Variants in TXNRD1 observed in about 807,000 individuals in gnomAD.
TXNRD1 encodes thioredoxin reductase 1, also known as thioredoxin reductase 1, cytoplasmic.
In TXNRD1, 57 loss-of-function variants were observed where a neutral mutation model predicts 80.3. The observed-to-expected ratio is 0.71, with a 90% CI of 0.57 to 0.89. The LOEUF (loss-of-function observed/expected upper bound fraction) is 0.89, where lower values mean the gene tolerates loss of function less well. TXNRD1 is among the 40% of genes least tolerant of loss of function. TXNRD1 has a pLI of 0.00. For synonymous variants in TXNRD1, 291 were observed against 285.2 expected (o/e 1.02, Z -0.20); for missense variants, 730 against 803.0 (o/e 0.91, Z 1.10).
intron 3 of TXNRD1, among the ~76,000 whole-genome samples, chr12:104,267,846 CCTCTCT>C (rs769629671): frequency 6.1e-4 from 85 of 139,668 alleles, no homozygotes; most frequent in Admixed American, 2.8e-3. Context: ...CTCCTTCCTT[CCTCTCT>C]CTCTTTTTTT....
chr12:104,316,046 C>A, intron 7 of TXNRD1, 150 bp downstream of exon 7: 2 of 815,174 alleles, frequency 2.5e-6, no homozygotes, highest in Non-Finnish European at 3.6e-6. Context: ...CTGGAGTTAT[C>A]CTTTGTCAAG....
In TXNRD1 at chr12:104,338,201, A is replaced by C. The variant is rs192405285; in HGVS notation, c.1747-938A>C. On this transcript the variant is annotated intron_variant, in intron 15 of 16. Coordinates refer to ENST00000525566, the MANE Select transcript of TXNRD1 (RefSeq NM_001093771.3). ...GGACGTGAGGACACCCTGCCCTTTG[A>C]TAATATTTTCCAGAACATTTTGGTG... 1.9e-4 allele frequency among the ~76,000 whole-genome samples: 29 copies of C among 151,992 alleles called. 1 individual carries two copies. The highest frequency in any genetic ancestry group is 3.4e-3 in the Middle Eastern group (1 of 294).
At chr12:104,313,449 A>G in intron 6 of TXNRD1, 132 bp downstream of exon 6, 2 of 643,646 alleles carry the variant, frequency 3.1e-6, no homozygotes, top group Non-Finnish European at 5.1e-6. Context: ...CAAAACATAT[A>G]TATCTTTTAT....
intron 4 of TXNRD1, chr12:104,309,925 A>G (rs1345466388): frequency 7.2e-6 from 11 of 1,535,984 alleles, no homozygotes; most frequent in Non-Finnish European, 7.8e-6. Context: ...CTGAGCCACT[A>G]CGTATGCCCG....
At chr12:104,267,647 A>G (rs12424869) in intron 3 of TXNRD1, among the ~76,000 whole-genome samples, 99,287 of 140,378 alleles carry the variant, frequency 0.71, 34,584 homozygotes, top group East Asian at 0.86. Context: ...ATGTGATGGT[A>G]TCTTTCTTTC....
chr12:104,273,633 C>T (rs1011776482), intron 3 of TXNRD1, among the ~76,000 whole-genome samples: 11 of 152,000 alleles, frequency 7.2e-5, no homozygotes, highest in Admixed American at 5.9e-4. Flanking sequence ...AACAAGAATG[C>T]TCGCGCCACC....
chr12:104,249,827 CG>C (rs2033076965), intron 1 of TXNRD1, among the ~76,000 whole-genome samples: 1 of 150,528 alleles, frequency 6.6e-6, no homozygotes, highest in African/African-American at 2.4e-5. Flanking sequence ...CCCAGCTACT[CG>C]CGAGGCTGAG....
intron 16 of TXNRD1, among the ~76,000 whole-genome samples, chr12:104,344,909 G>A (rs1051682872): frequency 6.6e-6 from 1 of 152,174 alleles, no homozygotes; most frequent in Admixed American, 6.5e-5. Context: ...TCTTTTAGGG[G>A]TTCATAGGAG....
rs921784182 is a variant in TXNRD1, at chr12:104,323,831, G to T, written c.1216-1506G>T. 6.9e-5 allele frequency among the ~76,000 whole-genome samples: 10 copies of T among 145,732 alleles called. 1 individual carries two copies. The highest frequency in any genetic ancestry group is 4.1e-4 in the Admixed American group (6 of 14,730). ...GCTGACCCCCCCCCACCTCCCTCCCGGACGGGGACCTATATACAATTTTTT... is the reference window on the plus strand; with the variant it reads ...GCTGACCCCCCCCCACCTCCCTCCCTGACGGGGACCTATATACAATTTTTT... On this transcript the variant is annotated intron_variant, in intron 10 of 16. Transcript: ENST00000525566.
chr12:104,310,920 T>C (rs1423869104), intron 4 of TXNRD1, among the ~76,000 whole-genome samples: 1 of 152,218 alleles, frequency 6.6e-6, no homozygotes, highest in Non-Finnish European at 1.5e-5. Flanking sequence ...TTAAAATTGT[T>C]ATATTGAGAT....
At chr12:104,268,151 C>T (rs572704782) in intron 3 of TXNRD1, among the ~76,000 whole-genome samples, 3 of 150,454 alleles carry the variant, frequency 2.0e-5, no homozygotes, top group East Asian at 2.0e-4. Context: ...CACTTGGACC[C>T]GGCCCCTTCC....
intron 4 of TXNRD1, among the ~76,000 whole-genome samples, chr12:104,302,656 AT>A (rs2034684632): frequency 6.7e-6 from 1 of 149,536 alleles, no homozygotes; most frequent in Non-Finnish European, 1.5e-5. Context: ...CGCCCGGCTA[AT>A]TTTTTGTAGT....
At chr12:104,289,136 C>CTTTT in intron 4 of TXNRD1, 96 bp downstream of exon 4, 1 of 1,421,862 alleles carries the variant, frequency 7.0e-7, no homozygotes, top group Non-Finnish European at 9.5e-7. Context: ...GGATGTGACC[C>CTTTT]TCCAAACGGG....
intron 3 of TXNRD1, among the ~76,000 whole-genome samples, chr12:104,261,704 C>T (rs903106971): frequency 6.6e-6 from 1 of 151,982 alleles, no homozygotes; most frequent in Non-Finnish European, 1.5e-5. Context: ...TTTATTAGGA[C>T]CAATGCTAAA....
At chr12:104,297,039 C>T (rs1054350494) in intron 4 of TXNRD1, among the ~76,000 whole-genome samples, 1 of 152,064 alleles carries the variant, frequency 6.6e-6, no homozygotes, top group African/African-American at 2.4e-5. Flanking sequence ...TGTGGTGGCT[C>T]ATGCCTGTAA....
chr12:104,265,264 A>AC, intron 3 of TXNRD1: 1 of 1,516,990 alleles, frequency 6.6e-7, no homozygotes, highest in East Asian at 2.4e-5. Flanking sequence ...AAAAAAAAAA[A>AC]AAAAACTTCC....
chr12:104,222,150 G>T (rs2032370620), intron 1 of TXNRD1, among the ~76,000 whole-genome samples: 1 of 152,178 alleles, frequency 6.6e-6, no homozygotes, highest in South Asian at 2.1e-4. Flanking sequence ...GGTCAAACAA[G>T]ATGTGATTGC....
intron 16 of TXNRD1, among the ~76,000 whole-genome samples, chr12:104,343,267 A>G (rs1338525289): frequency 6.6e-6 from 1 of 152,186 alleles, no homozygotes; most frequent in African/African-American, 2.4e-5. Context: ...GTCATGGCCG[A>G]GCTGGGATTC....
At chr12:104,312,525 A>G (rs2035176489) in intron 5 of TXNRD1, among the ~76,000 whole-genome samples, 1 of 152,194 alleles carries the variant, frequency 6.6e-6, no homozygotes, top group South Asian at 2.1e-4. Flanking sequence ...TACCTGATGT[A>G]TTTTACTCCA....
Sources: allele counts gnomAD v4.1 joint callset (sites outside exome capture counted in the v4.1 genomes callset), GRCh38; gene constraint gnomAD v4.1.1; transcripts MANE v1.5; gene names NCBI Gene and HGNC (gene_info 2026-07-23, HGNC 2026-07-21).